FBXL2: variants seen among roughly 807,000 people sequenced by gnomAD.
FBXL2 encodes F-box/LRR-repeat protein 2.
In FBXL2, 38 loss-of-function variants were observed where a neutral mutation model predicts 69.2. The ratio of observed to expected loss-of-function variants is 0.55; its 90% CI spans 0.42 to 0.72. FBXL2 has a LOEUF of 0.72. Among genes scored for constraint, FBXL2 ranks in the 30% least tolerant of loss-of-function variants. The probability of loss-of-function intolerance (pLI) is 0.00; values close to 1 mark genes in which losing one functional copy is unlikely to be tolerated. For synonymous variants in FBXL2, 192 were observed against 201.3 expected (o/e 0.95, Z 0.39); for missense variants, 354 against 520.3 (o/e 0.68, Z 3.11).
At chr3:33,375,582 C>T (rs1046779963) in intron 10 of FBXL2, among the ~76,000 whole-genome samples, 164 bp downstream of exon 10, 6 of 152,088 alleles carry the variant, frequency 3.9e-5, no homozygotes, top group African/African-American at 1.4e-4. Flanking sequence ...TGTATAAATC[C>T]AGTTCATTGG....
downstream of FBXL2, chr3:33,389,025 C>G (rs1019026889): frequency 1.3e-5 from 2 of 152,364 alleles, no homozygotes; most frequent in Non-Finnish European, 2.9e-5. Context: ...AATTCAGTCC[C>G]CTACACCACA....
At chr3:33,390,554 TC>T (rs1489315645), downstream of FBXL2, 1 of 638,170 alleles carries the variant, frequency 1.6e-6, no homozygotes, top group Non-Finnish European at 2.8e-6. Context: ...ATGTACACAT[TC>T]CCTTTTTAGA....
downstream of FBXL2, chr3:33,390,164 G>A (rs1326590906): frequency 3.0e-6 from 2 of 656,504 alleles, no homozygotes; most frequent in Non-Finnish European, 5.2e-6. Flanking sequence ...GGCAGTGACA[G>A]TGAGGAGATT....
chr3:33,361,826 C>T (rs908518967), intron 4 of FBXL2, among the ~76,000 whole-genome samples: 1 of 152,116 alleles, frequency 6.6e-6, no homozygotes, highest in African/African-American at 2.4e-5. Context: ...TGGGGTCTGC[C>T]ATAGTCCTTA....
rs1575436589 is a variant in FBXL2 at position 33,387,996 on chromosome 3, G to C, written c.*2388G>C. ...GAGGCAGAAGAATGGCGTGAACCCG[G>C]GAGGCAGAGCTTGCAGTGAGCCGAG... On this transcript the variant is annotated 3_prime_UTR_variant, in exon 15 of 15. Coordinates refer to ENST00000484457, the MANE Select transcript of FBXL2 (RefSeq NM_012157.5). The C allele has an allele frequency of 6.6e-6, 1 of 151,114 alleles. No homozygotes were observed. The highest frequency in any genetic ancestry group is 2.4e-5 in the African/African-American group (1 of 41,016). 9.4% of individuals were successfully genotyped at this position (151,114 alleles called of 1,614,324 possible).
At chr3:33,411,929 G>A in the FBXL2 span, among the ~76,000 whole-genome samples, 11 of 152,078 alleles carry the variant, frequency 7.2e-5, no homozygotes, top group Middle Eastern at 3.4e-3. Context: ...GGTGGCTCAC[G>A]TAATCCCAGC....
chr3:33,331,460 A>G (rs2039158088), intron 2 of FBXL2, among the ~76,000 whole-genome samples: 1 of 152,132 alleles, frequency 6.6e-6, no homozygotes, highest in Admixed American at 6.6e-5. Context: ...GACCCTGGAA[A>G]GGCTCCCTCC....
chr3:33,402,887 A>G (rs1187613304), intron 12 of FBXL2: 2 of 1,610,100 alleles, frequency 1.2e-6, no homozygotes, highest in Admixed American at 1.7e-5. Context: ...CTGTGGGGGC[A>G]TCGGGCCACG....
Position 33,373,841 on chromosome 3 carries a change from A to C in FBXL2, c.583-6A>C. On this transcript the variant is annotated splice_region_variant and splice_polypyrimidine_tract_variant and intron_variant, in intron 8 of 14. Transcript: ENST00000484457. ...CAGCTGTCTTTTGTTTTCTCTGTCC[A>C]CTCAGTTAGAAGATGAAGCTCTGAA... is the stretch of plus-strand genomic sequence containing the variant. The C allele has an allele frequency of 6.2e-7, 1 of 1,613,858 alleles. No individual in the cohort carries two copies. The highest frequency in any genetic ancestry group is 1.1e-5 in the South Asian group (1 of 91,060).
At chr3:33,400,683 T>A (rs965503509) in intron 12 of FBXL2, among the ~76,000 whole-genome samples, 6 of 151,866 alleles carry the variant, frequency 4.0e-5, no homozygotes, top group African/African-American at 1.2e-4. Flanking sequence ...GGGTGAGGGA[T>A]AAGAGAGAGG....
In FBXL2 at chr3:33,373,078, T is replaced by G. The variant is rs1365546387; in HGVS notation, c.291-14T>G. 6.2e-7 allele frequency: 1 copy of G among 1,612,492 alleles called. No homozygotes were observed. The highest frequency in any genetic ancestry group is 1.3e-5 in the African/African-American group (1 of 74,904). On this transcript the variant is annotated splice_polypyrimidine_tract_variant and intron_variant, in intron 5 of 14. Coordinates refer to ENST00000484457, the MANE Select transcript of FBXL2 (RefSeq NM_012157.5). Reference sequence around the variant, plus strand: ...GCAACTTGCAGGGAGCTTTAAAATGTTTTCTCATTTTAGGACCTTTGCACA... The same window carrying G: ...GCAACTTGCAGGGAGCTTTAAAATGGTTTCTCATTTTAGGACCTTTGCACA...
At chr3:33,321,437 T>G (rs1169872032) in intron 2 of FBXL2, among the ~76,000 whole-genome samples, 2 of 152,180 alleles carry the variant, frequency 1.3e-5, no homozygotes, top group Admixed American at 1.3e-4. Context: ...TTCACATCAC[T>G]AGTAATCACA....
chr3:33,411,471 C>G, the FBXL2 span: 1 of 930,048 alleles, frequency 1.1e-6, no homozygotes, highest in Admixed American at 2.2e-5. Context: ...GACACTACAA[C>G]ATAGTTTATA....
At chr3:33,351,651 C>T (rs1020788771) in intron 2 of FBXL2, among the ~76,000 whole-genome samples, 4 of 152,120 alleles carry the variant, frequency 2.6e-5, no homozygotes, top group African/African-American at 9.7e-5. Flanking sequence ...TACTAAATTA[C>T]TTTGTGAGCA....
intron 9 of FBXL2, 99 bp from the exon 10 acceptor site, chr3:33,375,189 C>G: frequency 1.4e-6 from 2 of 1,470,678 alleles, no homozygotes; most frequent in Non-Finnish European, 9.3e-7. Context: ...TGCTAGTAAT[C>G]AGCAACCAAA....
the FBXL2 span, among the ~76,000 whole-genome samples, chr3:33,417,358 T>C: frequency 1.3e-5 from 2 of 149,238 alleles, no homozygotes; most frequent in Non-Finnish European, 3.0e-5. Context: ...TTGCCCACTC[T>C]GGATACTTTC....
downstream of FBXL2, among the ~76,000 whole-genome samples, chr3:33,407,368 A>G (rs1409373083): frequency 6.6e-6 from 1 of 152,150 alleles, no homozygotes; most frequent in Non-Finnish European, 1.5e-5. Flanking sequence ...TTATTAGTTA[A>G]ATGGTTTATA....
the FBXL2 span, among the ~76,000 whole-genome samples, chr3:33,412,186 CAA>C: frequency 1.4e-3 from 91 of 63,420 alleles, no homozygotes; most frequent in East Asian, 0.013. Flanking sequence ...AACTCCGTCT[CAA>C]AAAAAAAAAA....
At chr3:33,413,792 A>G in the FBXL2 span, among the ~76,000 whole-genome samples, 1 of 152,136 alleles carries the variant, frequency 6.6e-6, no homozygotes, top group Non-Finnish European at 1.5e-5. Context: ...CCACACCTGC[A>G]GGGCCTGTCC....
Sources: allele counts gnomAD v4.1 joint callset (sites outside exome capture counted in the v4.1 genomes callset), GRCh38; gene constraint gnomAD v4.1.1; transcripts MANE v1.5; gene names NCBI Gene and HGNC (gene_info 2026-07-23, HGNC 2026-07-21).